The following FRMD4B variants were observed in gnomAD, a reference collection of about 807,000 sequenced individuals.
FRMD4B encodes the protein FERM domain containing 4B, also known as FERM domain-containing protein 4B.
Under a neutral mutation model 141.5 loss-of-function variants are expected in FRMD4B, and 74 were observed. That is an observed-to-expected ratio of 0.52 (90% confidence interval 0.43 to 0.63). FRMD4B has a LOEUF of 0.63. Among genes scored for constraint, FRMD4B ranks in the 30% least tolerant of loss-of-function variants. The pLI is 0.00. For missense variants in FRMD4B, 1,366 were observed against 1,253.4 expected (o/e 1.09, Z -1.36); for synonymous variants, 506 against 467.9 (o/e 1.08, Z -1.05).
At chr3:69,476,051 G>C (rs929705642) in intron 1 of FRMD4B, among the ~76,000 whole-genome samples, 2 of 150,840 alleles carry the variant, frequency 1.3e-5, no homozygotes, top group African/African-American at 2.5e-5. Flanking sequence ...TTTTGATGGG[G>C]TTGTTTTTTT....
chr3:69,245,478 CTGT>C (rs531746227), intron 7 of FRMD4B, among the ~76,000 whole-genome samples: 1 of 151,954 alleles, frequency 6.6e-6, no homozygotes, highest in Non-Finnish European at 1.5e-5. Context: ...TCCTCAGGAG[CTGT>C]TATTACAGAT....
Position 69,195,111 on chromosome 3 carries a change from G to A in FRMD4B, c.1399C>T (p.Pro467Ser). The A allele has an allele frequency of 1.2e-6, 2 of 1,613,858 alleles. No individual in the cohort carries two copies. Among genetic ancestry groups the A allele is most frequent in the Non-Finnish European group, 1.7e-6 (2 of 1,179,768 alleles). ...GGAGGCTTCTCGCCTATGTTCAGGGGATACTCCTTTGGCATTTTGCCTGTG... is the reference window on the plus strand; with the variant it reads ...GGAGGCTTCTCGCCTATGTTCAGGGAATACTCCTTTGGCATTTTGCCTGTG... Reference protein sequence around the residue: ...ELTGKMPKEYPLNIGEKPPQV... With the variant: ...ELTGKMPKEYSLNIGEKPPQV... Residue 467 changes from proline to serine, a missense_variant, in exon 16 of 23, where the codon CCC (proline) becomes TCC (serine). Coordinates refer to ENST00000398540, the MANE Select transcript of FRMD4B (RefSeq NM_015123.3).
intron 1 of FRMD4B, among the ~76,000 whole-genome samples, chr3:69,481,983 T>C (rs1575586204): frequency 6.6e-6 from 1 of 152,340 alleles, no homozygotes. Flanking sequence ...CCTTTTTTTC[T>C]TTTTTAATGC....
chr3:69,305,554 A>G (rs1463733594), intron 3 of FRMD4B, among the ~76,000 whole-genome samples: 1 of 152,212 alleles, frequency 6.6e-6, no homozygotes, highest in Non-Finnish European at 1.5e-5. Context: ...ATTTGATAGT[A>G]TCAGATCTCA....
intron 1 of FRMD4B, among the ~76,000 whole-genome samples, chr3:69,526,045 T>A (rs1450776513): frequency 6.6e-6 from 1 of 152,188 alleles, no homozygotes; most frequent in Non-Finnish European, 1.5e-5. Flanking sequence ...CACAGTGGCT[T>A]GCTTCCAACT....
At chr3:69,376,234 T>G in intron 1 of FRMD4B, among the ~76,000 whole-genome samples, 1 of 152,078 alleles carries the variant, frequency 6.6e-6, no homozygotes, top group East Asian at 1.9e-4. Context: ...TCAATATAAT[T>G]TTATTATATT....
chr3:69,446,693 A>T (rs1382027542), intron 1 of FRMD4B, among the ~76,000 whole-genome samples: 4 of 152,174 alleles, frequency 2.6e-5, no homozygotes, highest in Non-Finnish European at 5.9e-5. Flanking sequence ...TCAGAGTTAA[A>T]ACTCAATTTG....
chr3:69,493,169 A>T (rs1356758561), intron 1 of FRMD4B, among the ~76,000 whole-genome samples: 1 of 152,242 alleles, frequency 6.6e-6, no homozygotes, highest in Non-Finnish European at 1.5e-5. Context: ...TTCCAGTTTA[A>T]CATTTAGAAA....
intron 7 of FRMD4B, among the ~76,000 whole-genome samples, chr3:69,233,318 T>C (rs2093323432): frequency 6.6e-6 from 1 of 151,568 alleles, no homozygotes; most frequent in Non-Finnish European, 1.5e-5. Context: ...CTTGTCTCTA[T>C]GAACAATACA....
chr3:69,230,747 C>CGAA (rs1174406005), intron 7 of FRMD4B, among the ~76,000 whole-genome samples: 1 of 145,784 alleles, frequency 6.9e-6, no homozygotes, highest in Admixed American at 6.9e-5. Flanking sequence ...GACTCTGCCT[C>CGAA]GAAAAAAAAA....
At chr3:69,397,363 T>A (rs1704490763) in intron 2 of FRMD4B, among the ~76,000 whole-genome samples, 1 of 152,154 alleles carries the variant, frequency 6.6e-6, no homozygotes, top group African/African-American at 2.4e-5. Context: ...GGTATGAAAT[T>A]TCTTTTTGAG....
chr3:69,516,064 A>G lies in FRMD4B; in HGVS notation c.-129+26142T>C, dbSNP rs571053728. Among the ~76,000 whole-genome samples, 10 of 152,180 alleles carry G rather than the reference A, an allele frequency of 6.6e-5. No individual in the cohort carries two copies. The South Asian group carries it at 1.9e-3, about 28-fold the overall frequency. ...ACAAAGAGAGACTCCATCTCTACAA[A>G]AAATTAAAAAATTAGCCAGGTGTGG... On this transcript the variant is annotated intron_variant, in intron 1 of 5. Transcript: ENST00000459638.
At chr3:69,217,061 G>A (rs2093147425) in intron 10 of FRMD4B, among the ~76,000 whole-genome samples, 2 of 150,230 alleles carry the variant, frequency 1.3e-5, no homozygotes, top group South Asian at 2.1e-4. Flanking sequence ...GAATTACAAA[G>A]ATGAGAAAAG....
Position 69,181,085 on chromosome 3 carries a change from T to G in FRMD4B, c.2665A>C (p.Asn889His). 3.1e-6 allele frequency: 5 copies of G among 1,613,966 alleles called. No individual in the cohort carries two copies. The highest frequency in any genetic ancestry group is 4.2e-6 in the Non-Finnish European group (5 of 1,179,894). ...TCGGCAACTAAGGCCTTGTGGATGT[T>G]TTTGGTGATGTGCTCCGATTTTGCA... ...AAAKSEHITK[N>H]IHKALVAEHL... The change falls in exon 21 of 23, where the codon AAC becomes CAC. Residue 889 changes from asparagine to histidine, a missense_variant. By Grantham distance (68) the Asn-to-His change is moderately conservative (BLOSUM62 1). Coordinates refer to ENST00000398540, the MANE Select transcript of FRMD4B (RefSeq NM_015123.3).
At chr3:69,362,587 G>A (rs1307230515) in intron 1 of FRMD4B, among the ~76,000 whole-genome samples, 2 of 152,084 alleles carry the variant, frequency 1.3e-5, no homozygotes, top group Admixed American at 6.5e-5. Context: ...TGAGGCAGGA[G>A]AATCGCTTGA....
At chr3:69,221,949 T>C (rs780964157) in intron 8 of FRMD4B, 26 bp from the exon 9 acceptor site, 63 of 1,179,368 alleles carry the variant, frequency 5.3e-5, no homozygotes, top group Middle Eastern at 1.9e-4. Context: ...ATGAGAAGGA[T>C]TGCAATGCAT....
At chr3:69,231,752 C>T (rs4447768) in intron 7 of FRMD4B, among the ~76,000 whole-genome samples, 146,300 of 152,362 alleles carry the variant, frequency 0.96, 70,304 homozygotes, top group Middle Eastern at 0.99. Flanking sequence ...GGTGCTGCAA[C>T]GGTAACGTAA....
At chr3:69,265,639 G>A (rs1223818367) in intron 5 of FRMD4B, among the ~76,000 whole-genome samples, 2 of 151,360 alleles carry the variant, frequency 1.3e-5, no homozygotes, top group African/African-American at 2.4e-5. Context: ...AGTAGTGACG[G>A]GGTTTCACTG....
intron 21 of FRMD4B, among the ~76,000 whole-genome samples, chr3:69,177,385 C>T (rs927354637): frequency 6.6e-6 from 1 of 152,080 alleles, no homozygotes; most frequent in Non-Finnish European, 1.5e-5. Context: ...CTCAGTGGCA[C>T]AAGCCTGTAA....
Sources: gnomAD v4.1 joint callset for allele counts (sites outside exome capture counted in the v4.1 genomes callset) on GRCh38, gnomAD v4.1.1 for gene constraint, MANE v1.5 for transcripts, NCBI Gene and HGNC (gene_info 2026-07-23, HGNC 2026-07-21) for gene names.